The following PCMT1 variants were observed in gnomAD, a reference collection of about 807,000 sequenced individuals.
PCMT1 encodes protein-L-isoaspartate(D-aspartate) O-methyltransferase.
Under a neutral mutation model 29.2 loss-of-function variants are expected in PCMT1, and 9 were observed. The ratio of observed to expected loss-of-function variants is 0.31; its 90% CI spans 0.19 to 0.54. The LOEUF (loss-of-function observed/expected upper bound fraction) is 0.54, where lower values mean the gene tolerates loss of function less well. Among genes scored for constraint, PCMT1 ranks in the 20% least tolerant of loss-of-function variants. PCMT1 has a pLI of 0.95. For synonymous variants in PCMT1, 98 were observed against 97.5 expected (o/e 1.00, Z -0.03); for missense variants, 184 against 282.2 (o/e 0.65, Z 2.49).
intron 2 of PCMT1, among the ~76,000 whole-genome samples, chr6:149,771,641 C>T (rs968864101): frequency 2.0e-5 from 3 of 152,140 alleles, no homozygotes; most frequent in East Asian, 1.9e-4. Flanking sequence ...CTTAACCTCC[C>T]GAGTAGCTGG....
chr6:149,777,471 A>G (rs1232870617), intron 3 of PCMT1, among the ~76,000 whole-genome samples: 5 of 152,234 alleles, frequency 3.3e-5, no homozygotes, highest in African/African-American at 1.2e-4. Context: ...CTGTTAAAAG[A>G]ACTCTGCAAG....
intron 6 of PCMT1, among the ~76,000 whole-genome samples, chr6:149,799,663 A>G (rs1192541542): frequency 6.6e-6 from 1 of 152,218 alleles, no homozygotes; most frequent in African/African-American, 2.4e-5. Flanking sequence ...GGGAAGAGAC[A>G]GATAGTAGGA....
intron 1 of PCMT1, chr6:149,750,244 A>C: frequency 2.2e-6 from 1 of 454,448 alleles, no homozygotes; most frequent in South Asian, 3.7e-5. Flanking sequence ...AGTGCAGTAC[A>C]GGTGATGCTG....
chr6:149,767,269 T>TG (rs944128097), intron 1 of PCMT1, among the ~76,000 whole-genome samples: 1 of 151,594 alleles, frequency 6.6e-6, no homozygotes, highest in African/African-American at 2.4e-5. Flanking sequence ...TTTTTTTTTT[T>TG]TCTGCTGCTC....
intron 1 of PCMT1, among the ~76,000 whole-genome samples, chr6:149,756,254 G>A: frequency 6.8e-6 from 1 of 147,692 alleles, no homozygotes. Context: ...TATCCTAAAA[G>A]CATTTACTTT....
intron 7 of PCMT1, among the ~76,000 whole-genome samples, chr6:149,803,498 T>TTTTTTTTTTTTTTTTTTTTTTTTGA (rs1554256958): frequency 8.3e-6 from 1 of 120,136 alleles, no homozygotes; most frequent in Admixed American, 9.0e-5. Flanking sequence ...ATATTTTGTT[T>TTTTTTTTTTTTTTTTTTTTTTTTGA]GAAGCCAAGA....
At chr6:149,769,241 T>C (rs1020859920) in intron 1 of PCMT1, among the ~76,000 whole-genome samples, 1 of 151,442 alleles carries the variant, frequency 6.6e-6, no homozygotes, top group Non-Finnish European at 1.5e-5. Context: ...TCCTGCACCT[T>C]CTTTAATGGA....
intron 2 of PCMT1, 30 bp from the exon 3 acceptor site, chr6:149,773,108 T>A (rs1047759327): frequency 3.2e-6 from 5 of 1,570,342 alleles, no homozygotes; most frequent in Non-Finnish European, 4.4e-6. Context: ...TACAGCTGAC[T>A]GTATCAGTAG....
chr6:149,770,654 C>T lies in PCMT1; in HGVS notation c.56-508C>T, dbSNP rs142717584. ...CTGGGAGGCGGAGGTTGCAGTGAGCCGAGATCGCACCACTGCACTCCAGCC... is the reference window on the plus strand; with the variant it reads ...CTGGGAGGCGGAGGTTGCAGTGAGCTGAGATCGCACCACTGCACTCCAGCC... On this transcript the variant is annotated intron_variant, in intron 1 of 7. Coordinates refer to ENST00000464889, the MANE Select transcript of PCMT1 (RefSeq NM_001360452.2). Among the ~76,000 whole-genome samples the T allele has an allele frequency of 4.8e-3, 692 of 143,446 alleles. 4 individuals are homozygous for T. The highest frequency in any genetic ancestry group is 0.017 in the African/African-American group (647 of 38,172). 94.1% of individuals were successfully genotyped at this position (143,446 alleles called of 152,430 possible). A position where few individuals can be genotyped will look rare whatever the true frequency, so the allele number is the denominator to read the frequency against.
At chr6:149,788,188 C>T (rs900172118) in intron 3 of PCMT1, among the ~76,000 whole-genome samples, 2 of 152,192 alleles carry the variant, frequency 1.3e-5, no homozygotes, top group African/African-American at 4.8e-5. Flanking sequence ...GCTGGGATTA[C>T]AGGTGTGAGC....
intron 6 of PCMT1, chr6:149,796,744 A>G (rs1788628051): frequency 2.8e-6 from 1 of 356,526 alleles, no homozygotes; most frequent in Admixed American, 4.6e-5. Flanking sequence ...GGACAACAGT[A>G]GAATTGGGAA....
At position 149,796,608 on chromosome 6, in the gene PCMT1, A is replaced by G. The variant is rs563196075; in HGVS notation, c.504+108A>G. On this transcript the variant is annotated intron_variant, in intron 6 of 7. Transcript: ENST00000464889. ...GTTCAAAATATAATTAGACTTTTAT[A>G]TCATACATTTTGGTTACATTTAGCT... The G allele has an allele frequency of 4.9e-4, 353 of 713,562 alleles. 1 individual carries two copies. Among genetic ancestry groups the G allele is most frequent in the South Asian group, 2.6e-3 (128 of 48,696 alleles). The allele number at this position is 713,562 out of a possible 1,614,324, so 44.2% of individuals were successfully genotyped here.
chr6:149,763,636 T>C (rs971187684), intron 1 of PCMT1, among the ~76,000 whole-genome samples: 2 of 152,266 alleles, frequency 1.3e-5, no homozygotes, highest in South Asian at 2.1e-4. Flanking sequence ...AAGGAAGTGA[T>C]TTCTTTAATT....
chr6:149,781,266 A>C (rs1472613716), intron 3 of PCMT1, among the ~76,000 whole-genome samples: 3 of 137,954 alleles, frequency 2.2e-5, no homozygotes, highest in Non-Finnish European at 4.5e-5. Flanking sequence ...TCGCTCTGTC[A>C]CCCGGGCTGG....
chr6:149,758,208 CTTTT>C (rs756014067), intron 1 of PCMT1, among the ~76,000 whole-genome samples: 1 of 73,908 alleles, frequency 1.4e-5, no homozygotes, highest in South Asian at 4.5e-4. Flanking sequence ...TTCTTTCTTT[CTTTT>C]TTTTTTTTTT....
chr6:149,794,576 C>G (rs562478865), intron 5 of PCMT1, among the ~76,000 whole-genome samples: 2 of 152,212 alleles, frequency 1.3e-5, no homozygotes, highest in African/African-American at 4.8e-5. Flanking sequence ...TGAGATCGCA[C>G]CACTGAACTA....
intron 3 of PCMT1, among the ~76,000 whole-genome samples, chr6:149,787,581 T>A (rs1394686075): frequency 2.6e-5 from 4 of 152,142 alleles, no homozygotes; most frequent in African/African-American, 9.7e-5. Flanking sequence ...CAGGCTGGTC[T>A]TGAACTCCTG....
At chr6:149,769,441 G>A (rs1481683064) in intron 1 of PCMT1, among the ~76,000 whole-genome samples, 5 of 150,240 alleles carry the variant, frequency 3.3e-5, no homozygotes, top group African/African-American at 7.4e-5. Context: ...AGCCTCCTGA[G>A]TAGCTGGGAT....
chr6:149,788,331 T>A (rs547467419), intron 3 of PCMT1, among the ~76,000 whole-genome samples: 56 of 152,344 alleles, frequency 3.7e-4, no homozygotes, highest in African/African-American at 2.4e-4. Flanking sequence ...TTATTCAGAT[T>A]TCATCAATTA....
Sources: allele counts gnomAD v4.1 joint callset (sites outside exome capture counted in the v4.1 genomes callset), GRCh38; gene constraint gnomAD v4.1.1; transcripts MANE v1.5; gene names NCBI Gene and HGNC (gene_info 2026-07-23, HGNC 2026-07-21).